RGS6: variants seen among roughly 807,000 people sequenced by gnomAD.
RGS6 encodes regulator of G protein signaling 6, also known as regulator of G-protein signaling 6.
In RGS6, 30 loss-of-function variants were observed where a neutral mutation model predicts 78.5. That is an observed-to-expected ratio of 0.38 (90% CI 0.29 to 0.52). The LOEUF is 0.52. RGS6 is among the 20% of genes least tolerant of loss of function. The pLI is 0.85. For missense variants in RGS6, 495 were observed against 609.7 expected (o/e 0.81, Z 1.98); for synonymous variants, 206 against 206.0 (o/e 1.00, Z 0.00).
chr14:72,542,113 A>AAAAAAAAACAC (rs375561739), intron 17 of RGS6, among the ~76,000 whole-genome samples: 6 of 152,078 alleles, frequency 3.9e-5, no homozygotes, highest in African/African-American at 1.5e-4. Flanking sequence ...ATTAAAAAAA[A>AAAAAAAAACAC]CTAAATTCCT....
At chr14:71,929,442 C>A (rs987478089), upstream of RGS6, among the ~76,000 whole-genome samples, 6 of 152,210 alleles carry the variant, frequency 3.9e-5, no homozygotes, top group African/African-American at 7.2e-5. Context: ...ACATTCTCAG[C>A]ATATCATATC....
intron 17 of RGS6, among the ~76,000 whole-genome samples, chr14:72,556,490 A>G (rs1369784738): frequency 6.6e-6 from 1 of 152,200 alleles, no homozygotes; most frequent in African/African-American, 2.4e-5. Context: ...GAGCCAAACC[A>G]TATCACCAAT....
chr14:71,951,247 TC>T (rs373238820), intron 1 of RGS6, among the ~76,000 whole-genome samples: 3 of 152,260 alleles, frequency 2.0e-5, no homozygotes, highest in African/African-American at 7.2e-5. Context: ...CGAGATCATG[TC>T]CTTTGCAGGG....
intron 3 of RGS6, among the ~76,000 whole-genome samples, chr14:72,431,658 G>A (rs551564706): frequency 6.6e-5 from 10 of 152,114 alleles, no homozygotes; most frequent in African/African-American, 1.7e-4. Context: ...GTATGGTACT[G>A]TAGAGTGCTT....
intron 17 of RGS6, among the ~76,000 whole-genome samples, chr14:72,546,814 A>G (rs112512608): frequency 4.1e-4 from 63 of 152,356 alleles, no homozygotes; most frequent in African/African-American, 1.3e-3. Context: ...GTACCCTGCC[A>G]GTCTCTAGCA....
chr14:72,334,170 G>A (rs2075594888), intron 2 of RGS6, among the ~76,000 whole-genome samples: 2 of 152,314 alleles, frequency 1.3e-5, no homozygotes, highest in South Asian at 4.1e-4. Flanking sequence ...GATTTTGTGT[G>A]TGCTCACCCC....
At chr14:71,913,316 A>G in the RGS6 span, among the ~76,000 whole-genome samples, 2 of 152,182 alleles carry the variant, frequency 1.3e-5, no homozygotes, top group Non-Finnish European at 2.9e-5. Flanking sequence ...CCTGCAAGGC[A>G]TATGTACTAG....
chr14:72,068,941 TTC>T (rs1288169511), intron 2 of RGS6, among the ~76,000 whole-genome samples: 3 of 152,110 alleles, frequency 2.0e-5, no homozygotes, highest in Non-Finnish European at 2.9e-5. Context: ...CTTTTATACT[TTC>T]TGTTTATTCT....
intron 2 of RGS6, among the ~76,000 whole-genome samples, chr14:72,148,054 C>G (rs745315995): frequency 1.3e-5 from 2 of 149,066 alleles, no homozygotes; most frequent in Non-Finnish European, 3.0e-5. Context: ...TGGCATGAAC[C>G]TGGGAGGCAG....
At chr14:71,993,801 A>G (rs764625) in intron 2 of RGS6, among the ~76,000 whole-genome samples, 23,986 of 152,012 alleles carry the variant, frequency 0.16, 2,268 homozygotes, top group Non-Finnish European at 0.21. Flanking sequence ...CATAACTTGT[A>G]TTATTATGAA....
At chr14:72,103,678 G>T (rs2095572440) in intron 2 of RGS6, among the ~76,000 whole-genome samples, 1 of 152,228 alleles carries the variant, frequency 6.6e-6, no homozygotes, top group African/African-American at 2.4e-5. Flanking sequence ...TTCTTACCCA[G>T]ATTGAAATGA....
intron 3 of RGS6, among the ~76,000 whole-genome samples, chr14:72,444,992 G>A (rs895314302): frequency 2.0e-5 from 3 of 151,450 alleles, no homozygotes; most frequent in African/African-American, 4.9e-5. Context: ...GTTGAGCAGC[G>A]AGGACAGGCC....
intron 3 of RGS6, among the ~76,000 whole-genome samples, chr14:72,353,192 G>T (rs1227452707): frequency 6.6e-6 from 1 of 152,028 alleles, no homozygotes; most frequent in Non-Finnish European, 1.5e-5. Context: ...CCCACTCCTG[G>T]GTATTCACCC....
At chr14:72,055,882 GTGTT>G (rs986039107) in intron 2 of RGS6, among the ~76,000 whole-genome samples, 16 of 152,114 alleles carry the variant, frequency 1.1e-4, no homozygotes, top group African/African-American at 3.9e-4. Context: ...TTTTGTTTTG[GTGTT>G]TGTTGTTGGT....
chr14:72,181,648 T>A (rs553402456), intron 2 of RGS6, among the ~76,000 whole-genome samples: 2 of 152,332 alleles, frequency 1.3e-5, no homozygotes, highest in East Asian at 3.9e-4. Flanking sequence ...TTCAACCATA[T>A]TTGAAAGATT....
intron 2 of RGS6, among the ~76,000 whole-genome samples, chr14:72,286,291 G>A (rs2152291995): frequency 1.3e-5 from 2 of 152,104 alleles, no homozygotes; most frequent in African/African-American, 4.8e-5. Flanking sequence ...TATATTCTTG[G>A]CACGCTTGTT....
At chr14:72,081,670 T>C (rs1326504987) in intron 2 of RGS6, among the ~76,000 whole-genome samples, 1 of 152,076 alleles carries the variant, frequency 6.6e-6, no homozygotes, top group Non-Finnish European at 1.5e-5. Flanking sequence ...TTTGAAGAAA[T>C]TTCTCTAGAA....
At chr14:71,972,043 A>T (rs192135387) in intron 2 of RGS6, among the ~76,000 whole-genome samples, 244 of 151,530 alleles carry the variant, frequency 1.6e-3, no homozygotes, top group African/African-American at 5.5e-3. Context: ...TCTAGGGTAC[A>T]TGTGCACAAC....
At chr14:72,007,701 T>G (rs768264747) in intron 2 of RGS6, among the ~76,000 whole-genome samples, 20 of 152,300 alleles carry the variant, frequency 1.3e-4, no homozygotes, top group Non-Finnish European at 2.8e-4. Flanking sequence ...GCCTTACAGA[T>G]CCTCTCTATC....
Sources: gnomAD v4.1 joint callset for allele counts (sites outside exome capture counted in the v4.1 genomes callset) on GRCh38, gnomAD v4.1.1 for gene constraint, MANE v1.5 for transcripts, NCBI Gene and HGNC (gene_info 2026-07-23, HGNC 2026-07-21) for gene names.